AGBL4: variants seen among roughly 807,000 people sequenced by gnomAD.
AGBL4 encodes the protein AGBL carboxypeptidase 4.
In AGBL4, 58 loss-of-function variants were observed where a neutral mutation model predicts 66.4. The ratio of observed to expected loss-of-function variants is 0.87; its 90% confidence interval spans 0.71 to 1.09. The LOEUF (loss-of-function observed/expected upper bound fraction) is 1.09. AGBL4 is among the 50% of genes least tolerant of loss of function. AGBL4 has a pLI of 0.00. For synonymous variants in AGBL4, 234 were observed against 222.9 expected, an observed-to-expected ratio of 1.05 and a Z score of -0.44; for missense variants, 579 against 631.0, an observed-to-expected ratio of 0.92 and a Z score of 0.88.
intron 1 of AGBL4, among the ~76,000 whole-genome samples, chr1:49,951,951 G>A (rs1224075155): frequency 6.6e-6 from 1 of 151,788 alleles, no homozygotes; most frequent in Non-Finnish European, 1.5e-5. Flanking sequence ...GAAGGAAGAA[G>A]CGAGGGAAGG....
intron 11 of AGBL4, among the ~76,000 whole-genome samples, chr1:48,572,165 A>T (rs1050846946): frequency 6.6e-6 from 1 of 152,118 alleles, no homozygotes; most frequent in African/African-American, 2.4e-5. Flanking sequence ...AAGGACAGGG[A>T]CTACCGAGCC....
intron 3 of AGBL4, among the ~76,000 whole-genome samples, chr1:49,246,577 C>A (rs1651658125): frequency 6.6e-6 from 1 of 151,740 alleles, no homozygotes; most frequent in Admixed American, 6.6e-5. Flanking sequence ...ATCTCTGGGT[C>A]TTATCTTTAA....
chr1:49,729,805 A>C (rs555622606), intron 2 of AGBL4, among the ~76,000 whole-genome samples: 47 of 152,260 alleles, frequency 3.1e-4, no homozygotes, highest in Admixed American at 2.5e-3. Flanking sequence ...AAAATGAGAT[A>C]TATTGATAGC....
chr1:49,789,203 G>T (rs528843180), intron 2 of AGBL4, among the ~76,000 whole-genome samples: 705 of 152,268 alleles, frequency 4.6e-3, no homozygotes, highest in Non-Finnish European at 7.7e-3. Flanking sequence ...ACTTGATCGT[G>T]CTGGATAAGC....
intron 3 of AGBL4, among the ~76,000 whole-genome samples, chr1:49,542,053 G>T (rs1041103220): frequency 6.6e-6 from 1 of 152,100 alleles, no homozygotes; most frequent in East Asian, 1.9e-4. Context: ...TCAGTGCTCT[G>T]TGGGGACTTG....
chr1:49,038,067 T>TC (rs937645707), intron 5 of AGBL4, among the ~76,000 whole-genome samples: 24 of 152,232 alleles, frequency 1.6e-4, no homozygotes, highest in African/African-American at 5.8e-4. Context: ...CCCAAACTGA[T>TC]CCTCTTTCCT....
At chr1:49,675,518 A>C (rs777599851) in intron 3 of AGBL4, among the ~76,000 whole-genome samples, 19 of 151,994 alleles carry the variant, frequency 1.3e-4, no homozygotes, top group Non-Finnish European at 2.2e-4. Context: ...CAATACACTC[A>C]TGTAACAAAT....
chr1:49,561,346 A>C lies in AGBL4; in HGVS notation c.282+135967T>G, dbSNP rs1003143438. Among the ~76,000 whole-genome samples the C allele has an allele frequency of 4.6e-5, 7 of 151,750 alleles. No individual in the cohort carries two copies. In the East Asian group the frequency reaches 7.7e-4, roughly 17 times the overall value. ...TACATGTACCCTAAAGTTTTAGGGT[A>C]CATGTGCACAACATGCAGGTTACAT... On this transcript the variant is annotated intron_variant, in intron 3 of 13. Coordinates refer to ENST00000371839, the MANE Select transcript of AGBL4 (RefSeq NM_032785.4).
At chr1:49,064,275 T>C (rs1644453408) in intron 4 of AGBL4, among the ~76,000 whole-genome samples, 1 of 152,208 alleles carries the variant, frequency 6.6e-6, no homozygotes, top group Admixed American at 6.5e-5. Context: ...TTATTTCCTA[T>C]GTTTAAATGA....
At chr1:48,712,749 G>A (rs1039020815) in intron 6 of AGBL4, among the ~76,000 whole-genome samples, 1 of 152,180 alleles carries the variant, frequency 6.6e-6, no homozygotes, top group African/African-American at 2.4e-5. Context: ...GAGCCTGGCT[G>A]GAGCTCAGGG....
intron 1 of AGBL4, among the ~76,000 whole-genome samples, chr1:49,948,394 TATAA>T (rs1287867286): frequency 3.4e-5 from 4 of 116,142 alleles, no homozygotes; most frequent in Non-Finnish European, 4.9e-5. Flanking sequence ...TATATAAATA[TATAA>T]ATATATATAA....
intron 5 of AGBL4, among the ~76,000 whole-genome samples, chr1:48,895,867 C>G (rs1377779615): frequency 2.6e-5 from 4 of 152,190 alleles, no homozygotes; most frequent in Non-Finnish European, 5.9e-5. Context: ...GTGCAACTAG[C>G]TTTCTGTCTG....
chr1:49,117,015 T>C (rs1461794660), intron 4 of AGBL4, among the ~76,000 whole-genome samples: 1 of 152,208 alleles, frequency 6.6e-6, no homozygotes, highest in African/African-American at 2.4e-5. Context: ...TGCATAAATG[T>C]CTTCTTTTGA....
chr1:49,741,129 A>G (rs1650418031), intron 2 of AGBL4, among the ~76,000 whole-genome samples: 1 of 152,324 alleles, frequency 6.6e-6, no homozygotes, highest in African/African-American at 2.4e-5. Context: ...TTTCGAAAGG[A>G]TCAACAAAAT....
At position 49,285,860 on chromosome 1, in the gene AGBL4, G is replaced by T. The variant is rs1365172858; in HGVS notation, c.283-39996C>A. Among the ~76,000 whole-genome samples, 15 of 152,230 alleles carry T rather than the reference G, an allele frequency of 9.9e-5. No individual in the cohort carries two copies. In the South Asian group the frequency reaches 2.3e-3, roughly 23 times the overall value. ...AGAGGGAATCCTCCCTAACTCATTT[G>T]ATGAGGCCAGCATCATTCTGATACC... On this transcript the variant is annotated intron_variant, in intron 3 of 13. Coordinates refer to ENST00000371839, the MANE Select transcript of AGBL4 (RefSeq NM_032785.4).
intron 3 of AGBL4, among the ~76,000 whole-genome samples, chr1:49,399,728 T>A (rs1175270656): frequency 6.6e-6 from 1 of 152,156 alleles, no homozygotes; most frequent in Non-Finnish European, 1.5e-5. Context: ...TTTGAGCTCC[T>A]TTTATATTCT....
intron 3 of AGBL4, among the ~76,000 whole-genome samples, chr1:49,435,498 G>A (rs1274988499): frequency 6.6e-6 from 1 of 152,152 alleles, no homozygotes; most frequent in African/African-American, 2.4e-5. Flanking sequence ...TGATGATTAG[G>A]CTCCTTCAAG....
intron 3 of AGBL4, among the ~76,000 whole-genome samples, chr1:49,655,063 G>T (rs961603069): frequency 1.3e-5 from 2 of 152,126 alleles, no homozygotes; most frequent in African/African-American, 2.4e-5. Flanking sequence ...GCTCATACCG[G>T]TTATGCTGGT....
intron 1 of AGBL4, among the ~76,000 whole-genome samples, chr1:49,947,797 A>G (rs999171193): frequency 8.8e-5 from 13 of 148,414 alleles, no homozygotes; most frequent in African/African-American, 3.3e-4. Context: ...GAAAACCCTA[A>G]AGACTCATCC....
Sources: allele counts gnomAD v4.1 joint callset (sites outside exome capture counted in the v4.1 genomes callset), GRCh38; gene constraint gnomAD v4.1.1; transcripts MANE v1.5; gene names NCBI Gene and HGNC (gene_info 2026-07-23, HGNC 2026-07-21).